GFI1B: variants seen among roughly 807,000 people sequenced by gnomAD.
The protein encoded by GFI1B is zinc finger protein Gfi-1b.
GFI1B carries 20 observed loss-of-function variants against 35.3 expected under a neutral mutation model. The ratio of observed to expected loss-of-function variants is 0.57; its 90% confidence interval spans 0.40 to 0.82. The LOEUF is 0.82. Ranked by LOEUF, GFI1B falls within the 40% of genes least tolerant of loss-of-function variation. The pLI, the probability that GFI1B is intolerant of heterozygous loss-of-function variation, is 0.00. For synonymous variants in GFI1B, 178 were observed against 177.6 expected (o/e 1.00, Z -0.02); for missense variants, 430 against 446.3 (o/e 0.96, Z 0.33).
chr9:132,957,446 A>G (rs2132590752), intron 1 of GFI1B, among the ~76,000 whole-genome samples: 1 of 152,348 alleles, frequency 6.6e-6, no homozygotes, highest in East Asian at 1.9e-4. Context: ...TTATGTGTCA[A>G]TGCAGAGAAG....
chr9:132,988,150 C>T (rs1849144375), intron 3 of GFI1B, 47 bp from the exon 4 acceptor site: 2 of 1,584,002 alleles, frequency 1.3e-6, no homozygotes, highest in East Asian at 2.2e-5. Context: ...TGTGCCCAAC[C>T]CCCTGTGTTT....
At position 132,962,067 on chromosome 9, in the gene GFI1B, TACACACAC is replaced by T. The variant is rs145131246; in HGVS notation, c.-700-10640_-700-10633del. Among the ~76,000 whole-genome samples the T allele has an allele frequency of 8.5e-4, 122 of 143,988 alleles. 3 individuals carry two copies. In the East Asian group the frequency reaches 0.022, roughly 26 times the overall value. 94.5% of individuals were successfully genotyped at this position (143,988 alleles called of 152,430 possible). A position where few individuals can be genotyped will look rare whatever the true frequency, so the allele number is the denominator to read the frequency against. On this transcript the variant is annotated intron_variant, in intron 1 of 10. Transcript: ENST00000339463. ...GCATCTTCCCTACACACCTACACTC[TACACACAC>T]ACACACACACACACACAACCCTACA...
chr9:132,964,645 G>A (rs999884044), intron 1 of GFI1B, among the ~76,000 whole-genome samples: 2 of 151,810 alleles, frequency 1.3e-5, no homozygotes, highest in Admixed American at 1.3e-4. Flanking sequence ...CTTCTGTGAG[G>A]ACATCTGCCC....
chr9:132,980,253 A>G (rs1372449549), intron 1 of GFI1B, among the ~76,000 whole-genome samples: 1 of 152,150 alleles, frequency 6.6e-6, no homozygotes, highest in Non-Finnish European at 1.5e-5. Context: ...TGGACAGTAC[A>G]AGGATTTTCA....
At chr9:132,992,355 C>A (rs780490940), downstream of GFI1B, among the ~76,000 whole-genome samples, 2 of 152,122 alleles carry the variant, frequency 1.3e-5, no homozygotes, top group African/African-American at 2.4e-5. Flanking sequence ...CACATCCTAA[C>A]CCTGGAACCT....
intron 1 of GFI1B, among the ~76,000 whole-genome samples, chr9:132,960,038 C>A (rs1403161419): frequency 6.6e-6 from 1 of 152,186 alleles, no homozygotes; most frequent in African/African-American, 2.4e-5. Context: ...TGGCAAGGAG[C>A]ATGGACCCAG....
chr9:132,964,743 CTTTTTTTTTTT>C (rs71376675), intron 1 of GFI1B, among the ~76,000 whole-genome samples: 39,351 of 109,466 alleles, frequency 0.36, 6,139 homozygotes, highest in South Asian at 0.47. Context: ...ATTTTTCTTC[CTTTTTTTTTTT>C]TTTTTTTTTT....
At chr9:132,984,373 G>A (rs1013954714) in intron 1 of GFI1B, among the ~76,000 whole-genome samples, 1 of 152,156 alleles carries the variant, frequency 6.6e-6, no homozygotes, top group East Asian at 1.9e-4. Context: ...ACGTGTCCCT[G>A]GGAGATAAGG....
intron 1 of GFI1B, chr9:132,951,138 G>A (rs756379799): frequency 6.6e-6 from 1 of 152,018 alleles, no homozygotes; most frequent in Non-Finnish European, 1.5e-5. Flanking sequence ...CACCATGCCT[G>A]GCCATTTGTA....
At chr9:132,962,093 A>AC (rs1309804537) in intron 1 of GFI1B, among the ~76,000 whole-genome samples, 10 of 105,394 alleles carry the variant, frequency 9.5e-5, no homozygotes, top group African/African-American at 2.0e-4. Flanking sequence ...CACACACACA[A>AC]CCCTACACTC....
At chr9:132,987,511 G>C in intron 3 of GFI1B, 92 bp downstream of exon 3, 1 of 1,439,024 alleles carries the variant, frequency 6.9e-7, no homozygotes, top group Non-Finnish European at 9.7e-7. Flanking sequence ...TGGGGCCCTG[G>C]AGTCAGGAAG....
At chr9:132,987,196 C>G (rs538202805) in intron 2 of GFI1B, 86 bp from the exon 3 acceptor site, 1 of 1,416,210 alleles carries the variant, frequency 7.1e-7, no homozygotes, top group Non-Finnish European at 9.8e-7. Context: ...GGGCCTCCTC[C>G]TCCTAGGAAG....
At chr9:132,955,228 C>A (rs554162157) in intron 1 of GFI1B, among the ~76,000 whole-genome samples, 1 of 152,102 alleles carries the variant, frequency 6.6e-6, no homozygotes, top group Non-Finnish European at 1.5e-5. Flanking sequence ...ATTTTACCCT[C>A]ATTTTTTGAA....
rs762456586 is a variant in GFI1B at position 132,989,248 on chromosome 9, C to T, written c.648+50C>T. 2 of 1,574,684 alleles carry T rather than the reference C, an allele frequency of 1.3e-6. No homozygotes were observed. The highest frequency in any genetic ancestry group is 4.5e-5 in the East Asian group (2 of 44,730). On this transcript the variant is annotated intron_variant, in intron 5 of 6. Coordinates refer to ENST00000372122, the MANE Select transcript of GFI1B (RefSeq NM_001377304.1). The surrounding 1 kb of genome is among the most constrained non-coding windows in gnomAD (Gnocchi z 6.2). ...CTCCCAGCCCCACTCCTTCTCTGTG[C>T]TTCCCCAGGGAGCCTGGGGGCTGTG...
chr9:132,954,121 G>A (rs973659964), intron 1 of GFI1B, among the ~76,000 whole-genome samples: 1 of 151,726 alleles, frequency 6.6e-6, no homozygotes, highest in African/African-American at 2.4e-5. Flanking sequence ...TGTGTGTATT[G>A]GTCTGTCACC....
chr9:132,973,311 C>A (rs1848564291), intron 2 of GFI1B, among the ~76,000 whole-genome samples: 1 of 152,254 alleles, frequency 6.6e-6, no homozygotes, highest in South Asian at 2.1e-4. Flanking sequence ...TTCCCCAGCC[C>A]ACCTGCACCT....
At chr9:132,968,387 G>C (rs1370932715) in intron 1 of GFI1B, among the ~76,000 whole-genome samples, 1 of 151,218 alleles carries the variant, frequency 6.6e-6, no homozygotes, top group Non-Finnish European at 1.5e-5. Flanking sequence ...CTCCCAGAGT[G>C]CTGGGATTAC....
chr9:132,968,965 A>G (rs1848490903), intron 1 of GFI1B, among the ~76,000 whole-genome samples: 1 of 152,058 alleles, frequency 6.6e-6, no homozygotes, highest in Non-Finnish European at 1.5e-5. Context: ...CATTAAATAC[A>G]AACTCCCCAG....
At chr9:132,986,622 T>C (rs1849072122) in intron 1 of GFI1B, 37 bp from the exon 2 acceptor site, 4 of 1,042,060 alleles carry the variant, frequency 3.8e-6, no homozygotes, top group Non-Finnish European at 5.9e-6. Context: ...ATTGTTCTCT[T>C]GTCCTTCCTA....
Sources: allele counts gnomAD v4.1 joint callset (sites outside exome capture counted in the v4.1 genomes callset), GRCh38; gene constraint gnomAD v4.1.1; non-coding constraint Gnocchi (gnomAD v3.1); transcripts MANE v1.5; gene names NCBI Gene and HGNC (gene_info 2026-07-23, HGNC 2026-07-21).